The following NME7 variants were observed in gnomAD, a reference collection of about 807,000 sequenced individuals.
NME7 encodes the protein NME/NM23 family member 7.
A neutral mutation model predicts 49.1 loss-of-function variants in NME7; 41 were observed. The observed-to-expected ratio is 0.83, with a 90% CI of 0.65 to 1.08. NME7 has a LOEUF of 1.08. Ranked by LOEUF, NME7 falls within the 50% of genes least tolerant of loss-of-function variation. The pLI is 0.00. For missense variants in NME7, 423 were observed against 463.4 expected, an observed-to-expected ratio of 0.91 and a Z score of 0.80; for synonymous variants, 139 against 150.6, an observed-to-expected ratio of 0.92 and a Z score of 0.56.
At chr1:169,216,742 T>C (rs1284433301) in intron 10 of NME7, among the ~76,000 whole-genome samples, 3 of 152,160 alleles carry the variant, frequency 2.0e-5, no homozygotes, top group East Asian at 3.9e-4. Context: ...AGGTAGATAA[T>C]GTAAGAATTG....
chr1:169,150,425 C>T (rs1658879838), intron 11 of NME7, among the ~76,000 whole-genome samples: 1 of 152,030 alleles, frequency 6.6e-6, no homozygotes, highest in Admixed American at 6.6e-5. Context: ...CTTGCTAACC[C>T]CTTAATTTCT....
At chr1:169,202,971 C>T (rs1217671967) in intron 10 of NME7, among the ~76,000 whole-genome samples, 2 of 141,604 alleles carry the variant, frequency 1.4e-5, no homozygotes, top group African/African-American at 2.5e-5. Context: ...GTCAGGCAGG[C>T]GGGCAGGGAG....
chr1:169,365,725 CT>C (rs1450613038), intron 1 of NME7, among the ~76,000 whole-genome samples: 1 of 152,092 alleles, frequency 6.6e-6, no homozygotes, highest in African/African-American at 2.4e-5. Flanking sequence ...AAAATTCCTT[CT>C]TGTGGCAGAG....
At chr1:169,251,337 G>T (rs1648567426) in intron 7 of NME7, among the ~76,000 whole-genome samples, 1 of 151,728 alleles carries the variant, frequency 6.6e-6, no homozygotes, top group Non-Finnish European at 1.5e-5. Context: ...ATATCTTTTT[G>T]CACTCCTATA....
intron 5 of NME7, among the ~76,000 whole-genome samples, chr1:169,299,179 G>GT (rs1650831155): frequency 6.6e-6 from 1 of 151,876 alleles, no homozygotes. Context: ...CATATTTTTA[G>GT]TAAGAATTTA....
intron 10 of NME7, among the ~76,000 whole-genome samples, chr1:169,185,860 A>T (rs1161003929): frequency 6.6e-6 from 1 of 152,124 alleles, no homozygotes; most frequent in African/African-American, 2.4e-5. Context: ...CCTAGAGTTG[A>T]TAAATACATT....
At chr1:169,261,455 A>G (rs1649160473) in intron 7 of NME7, among the ~76,000 whole-genome samples, 1 of 133,934 alleles carries the variant, frequency 7.5e-6, no homozygotes, top group African/African-American at 2.5e-5. Flanking sequence ...TACTTGTGTA[A>G]AGCAGAGTGT....
chr1:169,224,527 T>TAC, intron 10 of NME7, among the ~76,000 whole-genome samples: 1 of 152,254 alleles, frequency 6.6e-6, no homozygotes, highest in Admixed American at 6.5e-5. Context: ...TATACATATA[T>TAC]ACACACATTT....
chr1:169,222,298 T>G (rs1661168819), intron 10 of NME7, among the ~76,000 whole-genome samples: 1 of 152,186 alleles, frequency 6.6e-6, no homozygotes, highest in Non-Finnish European at 1.5e-5. Context: ...TCTCATTTGT[T>G]TTGTTCACTG....
rs1473993021 is a variant in NME7, at chr1:169,273,883, C to T, written c.754+13420G>A. ...TCATTGTTGGACATTTGGGTTGGTT[C>T]CAAGTCTTTGCTATTGTGAATAGTG... On this transcript the variant is annotated intron_variant, in intron 7 of 11. Coordinates refer to ENST00000367811, the MANE Select transcript of NME7 (RefSeq NM_013330.5). Among the ~76,000 whole-genome samples the T allele has an allele frequency of 2.4e-5, 3 of 127,468 alleles. 1 individual carries two copies. Among genetic ancestry groups the T allele is most frequent in the African/African-American group, 7.9e-5 (3 of 37,910 alleles). The allele number at this position is 127,468 out of a possible 152,430, so 83.6% of individuals were successfully genotyped here.
intron 1 of NME7, among the ~76,000 whole-genome samples, chr1:169,346,083 T>C (rs1298491655): frequency 6.6e-6 from 1 of 152,110 alleles, no homozygotes; most frequent in Non-Finnish European, 1.5e-5. Flanking sequence ...GCAAACCCCC[T>C]ACTCCAAGCC....
chr1:169,208,322 A>G (rs1660726144), intron 10 of NME7, among the ~76,000 whole-genome samples: 1 of 152,152 alleles, frequency 6.6e-6, no homozygotes, highest in South Asian at 2.1e-4. Flanking sequence ...TTAATACTTC[A>G]TATGCACTTT....
intron 2 of NME7, among the ~76,000 whole-genome samples, chr1:169,324,151 A>T (rs1362978778): frequency 1.3e-5 from 2 of 151,958 alleles, no homozygotes; most frequent in African/African-American, 4.8e-5. Flanking sequence ...CACCGCGCCC[A>T]GCCCCCACTT....
At chr1:169,353,032 G>A (rs1186278819) in intron 1 of NME7, among the ~76,000 whole-genome samples, 1 of 151,002 alleles carries the variant, frequency 6.6e-6, no homozygotes, top group Non-Finnish European at 1.5e-5. Flanking sequence ...ATTCTTCAAA[G>A]AGTAGAAATA....
At chr1:169,289,604 T>C (rs1331388959) in intron 6 of NME7, among the ~76,000 whole-genome samples, 2 of 152,138 alleles carry the variant, frequency 1.3e-5, no homozygotes, top group African/African-American at 4.8e-5. Context: ...TAAATTGTTC[T>C]GTCTCTAGTT....
At chr1:169,239,103 TG>T (rs1296671996) in intron 7 of NME7, among the ~76,000 whole-genome samples, 23 of 151,894 alleles carry the variant, frequency 1.5e-4, no homozygotes, top group African/African-American at 5.6e-4. Context: ...TCAACAAAAA[TG>T]TTGAGTGAGA....
At chr1:169,314,771 T>C (rs1177954853) in intron 3 of NME7, among the ~76,000 whole-genome samples, 2 of 151,352 alleles carry the variant, frequency 1.3e-5, no homozygotes, top group East Asian at 3.9e-4. Context: ...AAAAAAAAGA[T>C]ATAAAAAACA....
chr1:169,341,893 C>A (rs1447290825), intron 1 of NME7, among the ~76,000 whole-genome samples: 6 of 152,210 alleles, frequency 3.9e-5, no homozygotes, highest in Admixed American at 3.3e-4. Context: ...TGTGCCCCCA[C>A]TGTATCTTAG....
intron 11 of NME7, among the ~76,000 whole-genome samples, chr1:169,138,611 T>C (rs1268549417): frequency 6.6e-6 from 1 of 151,352 alleles, no homozygotes; most frequent in African/African-American, 2.4e-5. Flanking sequence ...CCCAGCCGCT[T>C]GGGAGGCTGA....
Sources: gnomAD v4.1 joint callset for allele counts (sites outside exome capture counted in the v4.1 genomes callset) on GRCh38, gnomAD v4.1.1 for gene constraint, MANE v1.5 for transcripts, NCBI Gene and HGNC (gene_info 2026-07-23, HGNC 2026-07-21) for gene names.